Variants in USF3 observed in about 807,000 individuals in gnomAD.
USF3 encodes the protein upstream transcription factor family member 3, also known as basic helix-loop-helix domain-containing protein USF3.
Under a neutral mutation model 157.5 loss-of-function variants are expected in USF3, and 29 were observed. The observed-to-expected ratio is 0.18, with a 90% CI of 0.14 to 0.25. The LOEUF (loss-of-function observed/expected upper bound fraction) is 0.25. USF3 is among the 10% of genes least tolerant of loss of function. The probability of loss-of-function intolerance (pLI) is 1.00; values close to 1 mark genes in which losing one functional copy is unlikely to be tolerated. For missense variants in USF3, 2,381 were observed against 2,667.6 expected (o/e 0.89, Z 2.37); for synonymous variants, 893 against 941.4 (o/e 0.95, Z 0.94).
rs1454500348 is a variant in USF3, at chr3:113,657,865, C to A, written c.3817G>T (p.Val1273Phe). The A allele has an allele frequency of 6.2e-7, 1 of 1,614,170 alleles. No homozygotes were observed. The highest frequency in any genetic ancestry group is 1.7e-5 in the Admixed American group (1 of 60,024). Residue 1273 changes from valine (V) to phenylalanine (F), a missense_variant, in exon 7 of 7, where the codon GTT (valine) becomes TTT (phenylalanine). Coordinates refer to ENST00000316407, the MANE Select transcript of USF3 (RefSeq NM_001009899.4). ...TSEQTTVPAT[V>F]NLTVSSSSYG... ...GAGCTAGATGAAACGGTCAGATTAA[C>A]CGTTGCAGGCACAGTTGTTTGCTCT... is the stretch of plus-strand genomic sequence containing the variant.
At chr3:113,681,241 A>T (rs1707417291) in intron 1 of USF3, among the ~76,000 whole-genome samples, 1 of 152,016 alleles carries the variant, frequency 6.6e-6, no homozygotes, top group South Asian at 2.1e-4. Flanking sequence ...AACCTCCCAA[A>T]GCGCTGGGAT....
chr3:113,662,175 T>C (rs180782787), intron 6 of USF3, among the ~76,000 whole-genome samples: 1 of 152,354 alleles, frequency 6.6e-6, no homozygotes, highest in Non-Finnish European at 1.5e-5. Context: ...TCAATTTAGT[T>C]TCTATTTTAT....
At chr3:113,695,197 T>C (rs1229641700) in intron 1 of USF3, among the ~76,000 whole-genome samples, 2 of 152,258 alleles carry the variant, frequency 1.3e-5, no homozygotes, top group Non-Finnish European at 1.5e-5. Context: ...ATTACACTAC[T>C]TCTGCTTTCA....
chr3:113,672,850 G>C (rs750493007), intron 4 of USF3, among the ~76,000 whole-genome samples: 1 of 152,074 alleles, frequency 6.6e-6, no homozygotes, highest in Non-Finnish European at 1.5e-5. Context: ...ATCTGGCTTT[G>C]GCCTGTAATT....
rs1440096164 is a variant in USF3, at chr3:113,659,749, C to G, written c.1933G>C (p.Ala645Pro). 1.2e-6 allele frequency: 2 copies of G among 1,614,202 alleles called. No individual in the cohort carries two copies. The highest frequency in any genetic ancestry group is 2.2e-5 in the South Asian group (2 of 91,088). The change falls in exon 7 of 7, where the codon GCG (alanine) becomes CCG (proline). Residue 645 changes from alanine (A) to proline (P), a missense_variant. Physicochemically the swap from Ala to Pro is conservative, Grantham distance 27 (BLOSUM62 -1). Coordinates refer to ENST00000316407, the MANE Select transcript of USF3 (RefSeq NM_001009899.4). ...GAAAAAGTTTGTGTTGAGTTAGACG[C>G]TGATAAAGATGAAGGTCTTGGTAAT... ...HILPRPSSLS[A>P]SNSTQTFSVT... is the part of the protein sequence containing the mutation.
chr3:113,659,273 T>C lies in USF3; in HGVS notation c.2409A>G (p.Lys803=), dbSNP rs375001597. The C allele has an allele frequency of 1.2e-6, 2 of 1,614,208 alleles. No homozygotes were observed. The highest frequency in any genetic ancestry group is 1.7e-6 in the Non-Finnish European group (2 of 1,180,034). The change falls in exon 7 of 7, where the codon AAA becomes AAG. Residue 803 remains lysine, a synonymous_variant. Transcript: ENST00000316407. ...KRLNKKPGGR[K]HLAANKSACP... Reference sequence around the variant, plus strand: ...ACGCTGACTTGTTTGCTGCTAAGTGTTTCCTGCCACCTGGCTTCTTATTCA... The same window carrying C: ...ACGCTGACTTGTTTGCTGCTAAGTGCTTCCTGCCACCTGGCTTCTTATTCA...
At position 113,659,443 on chromosome 3, in the gene USF3, T is replaced by C. The variant is rs775063928; in HGVS notation, c.2239A>G (p.Thr747Ala). 5 of 1,614,110 alleles carry C rather than the reference T, an allele frequency of 3.1e-6. No individual in the cohort carries two copies. Among genetic ancestry groups the C allele is most frequent in the Admixed American group, 1.7e-5 (1 of 60,010 alleles). ...SQTAANSQTTTANCVSLTTTA... is the reference protein window; with the variant it reads ...SQTAANSQTTAANCVSLTTTA... ...GTTGTTAATGAAACACAGTTAGCTG[T>C]AGTGGTTTGACTATTTGCAGCAGTT... The change falls in exon 7 of 7, where the codon ACA becomes GCA. Residue 747 changes from threonine (T) to alanine (A), a missense_variant. Transcript: ENST00000316407.
chr3:113,688,767 G>C lies in USF3; in HGVS notation c.-135+7603C>G, dbSNP rs545263454. On this transcript the variant is annotated intron_variant, in intron 1 of 6. Coordinates refer to ENST00000316407, the MANE Select transcript of USF3 (RefSeq NM_001009899.4). Reference sequence around the variant, plus strand: ...TCATTAATACAGATGCTGGCTGGGCGCGGTGGCTCACGCCTGTAACCCCAG... The same window carrying C: ...TCATTAATACAGATGCTGGCTGGGCCCGGTGGCTCACGCCTGTAACCCCAG... Among the ~76,000 whole-genome samples, 264 of 152,336 alleles carry C rather than the reference G, an allele frequency of 1.7e-3. 1 individual carries two copies. The highest frequency in any genetic ancestry group is 6.0e-3 in the African/African-American group (251 of 41,578).
chr3:113,673,412 A>C (rs376376162), intron 3 of USF3, 36 bp from the exon 4 acceptor site: 106 of 1,320,274 alleles, frequency 8.0e-5, no homozygotes, highest in Non-Finnish European at 1.1e-4. Context: ...GTAACATGAA[A>C]ATAATGGGAA....
chr3:113,678,480 A>C (rs1202368764), intron 1 of USF3, among the ~76,000 whole-genome samples: 1 of 152,176 alleles, frequency 6.6e-6, no homozygotes, highest in African/African-American at 2.4e-5. Context: ...AGACAACTGT[A>C]AATCAAAATC....
In USF3 at chr3:113,655,016, G is replaced by A. The variant is rs1947327176; in HGVS notation, c.6666C>T (p.Ser2222=). The A allele has an allele frequency of 6.2e-7, 1 of 1,614,170 alleles. No homozygotes were observed. The highest frequency in any genetic ancestry group is 8.5e-7 in the Non-Finnish European group (1 of 1,179,968). ...GGGCAGGTCTGTTTGAGGACTGCTT[G>A]GAAGAGTCAGAGGCAGAGGAATTTG... The part of the protein sequence containing the change: ...TIANSSASDS[S]KQSSNRPAHN... The change falls in exon 7 of 7, where the codon TCC becomes TCT. Residue 2222 remains serine, a synonymous_variant. Transcript: ENST00000316407.
At chr3:113,694,247 C>G (rs1470143994) in intron 1 of USF3, among the ~76,000 whole-genome samples, 2 of 152,160 alleles carry the variant, frequency 1.3e-5, no homozygotes, top group Non-Finnish European at 2.9e-5. Context: ...GAGCTGATTA[C>G]CTGTTGAAGC....
rs1438973220 is a variant in USF3, at chr3:113,650,466, G to A, written c.*4478C>T. The A allele has an allele frequency of 6.6e-6, 1 of 152,204 alleles. No individual in the cohort carries two copies. The highest frequency in any genetic ancestry group is 2.4e-5 in the African/African-American group (1 of 41,436). The allele number at this position is 152,204 out of a possible 1,614,324, so 9.4% of individuals were successfully genotyped here. ...GGCAAAGGAGTAATCATCTCGCTAA[G>A]GAAATGACTGGCTTCCCTGAGCCCT... is the stretch of plus-strand genomic sequence containing the variant. On this transcript the variant is annotated 3_prime_UTR_variant, in exon 7 of 7. Transcript: ENST00000316407.
chr3:113,657,868 T>C lies in USF3; in HGVS notation c.3814A>G (p.Thr1272Ala). The C allele has an allele frequency of 6.2e-7, 1 of 1,614,208 alleles. No individual in the cohort carries two copies. The highest frequency in any genetic ancestry group is 8.5e-7 in the Non-Finnish European group (1 of 1,180,036). ...PTSEQTTVPA[T>A]VNLTVSSSSY... ...CTAGATGAAACGGTCAGATTAACCGTTGCAGGCACAGTTGTTTGCTCTGAA... is the reference window on the plus strand; with the variant it reads ...CTAGATGAAACGGTCAGATTAACCGCTGCAGGCACAGTTGTTTGCTCTGAA... Residue 1272 changes from threonine to alanine, a missense_variant, in exon 7 of 7, where the codon ACG becomes GCG. Thr to Ala is a moderately conservative substitution (Grantham distance 58). This residue lies in a region of USF3 where 1,435 missense variants were observed against 1,550.9 expected (regional missense o/e 0.93). Transcript: ENST00000316407.
rs1158155326 is a variant in USF3 at position 113,655,210 on chromosome 3, G to T, written c.6472C>A (p.Pro2158Thr). The T allele has an allele frequency of 1.2e-6, 2 of 1,614,180 alleles. No individual in the cohort carries two copies. The highest frequency in any genetic ancestry group is 3.3e-5 in the Admixed American group (2 of 60,028). ...LNNRFGSILS[P>T]PRPVGFAQPS... ...TGAGCAAACCCAACAGGTCTGGGAG[G>T]AGATAAAATTGATCCAAATCGGTTA... The change falls in exon 7 of 7, where the codon CCT becomes ACT. Residue 2158 changes from proline (P) to threonine (T), a missense_variant. By Grantham distance (38) the Pro-to-Thr change is conservative. Around this residue, in one of 6 missense-constraint regions of USF3, gnomAD observed 770 missense variants for 824.2 expected, o/e 0.93. Transcript: ENST00000316407.
chr3:113,658,481 G>A lies in USF3; in HGVS notation c.3201C>T (p.Cys1067=), dbSNP rs1014015997. The change falls in exon 7 of 7, where the codon TGC becomes TGT. Residue 1067 remains cysteine, a synonymous_variant. Transcript: ENST00000316407. ...CATTAATAACCTCTTGATCAGGGAG[G>A]CAGGAATGATGCTGTGGAGGATCTC... The part of the protein sequence containing the change: ...DDRDPPQHHS[C]LPDQEVINGS... The A allele has an allele frequency of 6.2e-7, 1 of 1,613,856 alleles. No individual in the cohort carries two copies. Among genetic ancestry groups the A allele is most frequent in the Non-Finnish European group, 8.5e-7 (1 of 1,179,768 alleles).
intron 6 of USF3, among the ~76,000 whole-genome samples, chr3:113,662,476 A>C (rs1947501696): frequency 1.3e-5 from 2 of 152,214 alleles, no homozygotes. Context: ...TTTCCAAAGC[A>C]TCCTATTCTC....
rs144150692 is a variant in USF3 at position 113,652,911 on chromosome 3, C to T, written c.*2033G>A. 0.016 allele frequency: 8,194 copies of T among 505,360 alleles called. 99 individuals carry two copies. Among genetic ancestry groups the T allele is most frequent in the Non-Finnish European group, 0.021 (6,467 of 301,290 alleles). The allele number at this position is 505,360 out of a possible 1,614,324, so 31.3% of individuals were successfully genotyped here. A position where few individuals can be genotyped will look rare whatever the true frequency, so the allele number is the denominator to read the frequency against. ...GGCAGAGGCTGCAGTGAGCCAAGAT[C>T]CTGCCATTGTAGACTCCAGCCTGGG... On this transcript the variant is annotated 3_prime_UTR_variant, in exon 7 of 7. Coordinates refer to ENST00000316407, the MANE Select transcript of USF3 (RefSeq NM_001009899.4).
Position 113,658,287 on chromosome 3 carries a change from A to G in USF3, c.3395T>C (p.Ile1132Thr), listed in dbSNP as rs752517275. 8.7e-6 allele frequency: 14 copies of G among 1,614,034 alleles called. No homozygotes were observed. Among genetic ancestry groups the G allele is most frequent in the East Asian group, 2.2e-5 (1 of 44,890 alleles). Reference protein sequence around the residue: ...DSCTFVEQTDIVALAARAIFD... With the variant: ...DSCTFVEQTDTVALAARAIFD... ...AATAGCTCTTGCTGCAAGAGCTACT[A>G]TATCAGTTTGCTCTACAAAGGTACA... Residue 1132 changes from isoleucine to threonine, a missense_variant, in exon 7 of 7, where the codon ATA (isoleucine) becomes ACA (threonine). Ile to Thr is a moderately conservative substitution (Grantham distance 89). Around this residue, in one of 6 missense-constraint regions of USF3, gnomAD observed 1,435 missense variants for 1,550.9 expected, o/e 0.93. Coordinates refer to ENST00000316407, the MANE Select transcript of USF3 (RefSeq NM_001009899.4).
Sources: gnomAD v4.1 joint callset for allele counts (sites outside exome capture counted in the v4.1 genomes callset) on GRCh38, gnomAD v4.1.1 for gene constraint, gnomAD v4.1.1 regional missense constraint, MANE v1.5 for transcripts, NCBI Gene and HGNC (gene_info 2026-07-23, HGNC 2026-07-21) for gene names.